Variants in DACT2 observed in about 807,000 individuals in gnomAD.
DACT2 encodes the protein dapper homolog 2.
A neutral mutation model predicts 22.2 loss-of-function variants in DACT2; 20 were observed. That is an observed-to-expected ratio of 0.90 (90% CI 0.63 to 1.31). The LOEUF (loss-of-function observed/expected upper bound fraction) is 1.31, where lower values mean the gene tolerates loss of function less well. DACT2 is among the 50% of genes most tolerant of loss of function. The pLI, the probability that DACT2 is intolerant of heterozygous loss-of-function variation, is 0.00. For synonymous variants in DACT2, 463 were observed against 479.8 expected (o/e 0.96, Z 0.46); for missense variants, 1,048 against 1,061.4 (o/e 0.99, Z 0.18).
intron 3 of DACT2, among the ~76,000 whole-genome samples, chr6:168,309,584 G>A (rs1344439283): frequency 2.0e-5 from 3 of 152,240 alleles, no homozygotes; most frequent in African/African-American, 7.2e-5. Context: ...TGAGGGCTTG[G>A]AGGCTGAAGA....
chr6:168,306,480 T>C (rs1779209286), downstream of DACT2, among the ~76,000 whole-genome samples: 1 of 151,944 alleles, frequency 6.6e-6, no homozygotes, highest in South Asian at 2.1e-4. Context: ...TTTCACTCTG[T>C]AGCCCAAGCT....
At chr6:168,309,313 G>A (rs1273513553) in intron 3 of DACT2, among the ~76,000 whole-genome samples, 2 of 128,838 alleles carry the variant, frequency 1.6e-5, no homozygotes, top group Non-Finnish European at 3.3e-5. Flanking sequence ...GACACTGGGC[G>A]CGGGGCAGAC....
chr6:168,307,255 G>T lies in DACT2; in HGVS notation c.*177C>A. 1 of 1,420,692 alleles carries T rather than the reference G, an allele frequency of 7.0e-7. No individual in the cohort carries two copies. Among genetic ancestry groups the T allele is most frequent in the East Asian group, 2.6e-5 (1 of 38,834 alleles). The allele number at this position is 1,420,692 out of a possible 1,614,324, so 88.0% of individuals were successfully genotyped here. ...TCCGCATGGAAGTCTTTGCTGGGGC[G>T]GGGACTCACGGCCATACTCCACAGG... On this transcript the variant is annotated 3_prime_UTR_variant, in exon 4 of 4. Transcript: ENST00000366795. The surrounding 1 kb of genome is among the most constrained non-coding windows in gnomAD (Gnocchi z 5.3).
At position 168,308,069 on chromosome 6, in the gene DACT2, T is replaced by C. The variant is rs2114904980; in HGVS notation, c.1688A>G (p.Glu563Gly). 1.3e-6 allele frequency: 2 copies of C among 1,546,828 alleles called. No individual in the cohort carries two copies. The highest frequency in any genetic ancestry group is 4.9e-5 in the East Asian group (2 of 40,760). ...GACAGGCATGGGGTAGAGGGTGGAC[T>C]CAGAACAGGAGCGCCCGGGTGCCTC... ...AWEAPGRSCS[E>G]STLYPMPVLV... Residue 563 changes from glutamate to glycine, a missense_variant, in exon 4 of 4, where the codon GAG becomes GGG. Glu to Gly is a moderately conservative substitution (Grantham distance 98). Coordinates refer to ENST00000366795, the MANE Select transcript of DACT2 (RefSeq NM_214462.5).
chr6:168,293,661 G>A (rs1301659627), exon 6 of DACT2: 7 of 551,840 alleles, frequency 1.3e-5, no homozygotes, highest in Admixed American at 3.1e-5. Flanking sequence ...TCTCTCTTAC[G>A]TCCATTACTC....
At position 168,310,376 on chromosome 6, in the gene DACT2, G is replaced by A. The variant is rs1281952268; in HGVS notation, c.450C>T (p.His150=). ...STSCASVCSD[H]ISPSLGSLLP... ...ACAAACTGCCCAGCGAGGGAGAGAT[G>A]TGGTCACTGCAGACGGAGGCACAGG... The change falls in exon 3 of 4, where the codon CAC becomes CAT. Residue 150 remains histidine, a synonymous_variant. Coordinates refer to ENST00000366795, the MANE Select transcript of DACT2 (RefSeq NM_214462.5). 20 of 1,551,682 alleles carry A rather than the reference G, an allele frequency of 1.3e-5. No individual in the cohort carries two copies. The highest frequency in any genetic ancestry group is 2.7e-5 in the African/African-American group (2 of 73,194).
chr6:168,305,011 A>G (rs1011726162), downstream of DACT2, among the ~76,000 whole-genome samples: 3 of 152,214 alleles, frequency 2.0e-5, no homozygotes, highest in East Asian at 1.9e-4. Flanking sequence ...ACTGAAATGC[A>G]TGTTTGGGCC....
rs575694075 is a variant in DACT2 at position 168,295,125 on chromosome 6, G to A, written c.659-421C>T. Among the ~76,000 whole-genome samples the A allele has an allele frequency of 5.5e-4, 83 of 152,250 alleles. No homozygotes were observed. The South Asian group carries it at 7.9e-3, about 14-fold the overall frequency. The stretch of plus-strand genomic sequence containing the variant: ...GCCACTCCAACTGTTCTCCTGAGCC[G>A]CGTGGGCAGCTGAGTGACAAGGCCC... On this transcript the variant is annotated intron_variant, in intron 3 of 5. Coordinates refer to the DACT2 transcript ENST00000366796.
chr6:168,315,664 A>T (rs1235264916), intron 1 of DACT2, among the ~76,000 whole-genome samples: 1 of 152,218 alleles, frequency 6.6e-6, no homozygotes, highest in Admixed American at 6.5e-5. Context: ...ACAAGCCTTG[A>T]AGTGATGAGT....
Position 168,308,679 on chromosome 6 carries a change from C to A in DACT2, c.1078G>T (p.Ala360Ser). 1 of 1,545,944 alleles carries A rather than the reference C, an allele frequency of 6.5e-7. No homozygotes were observed. The change falls in exon 4 of 4, where the codon GCA (alanine) becomes TCA (serine). Residue 360 changes from alanine (A) to serine (S), a missense_variant. By Grantham distance (99) the Ala-to-Ser change is moderately conservative. Coordinates refer to ENST00000366795, the MANE Select transcript of DACT2 (RefSeq NM_214462.5). Reference protein sequence around the residue: ...SEGEQGPLRHAASPSPQRQGG... With the variant: ...SEGEQGPLRHSASPSPQRQGG... ...TGCCTCTGTGGAGATGGGGACGCTGCATGCCTTAGAGGTCCCTGTTCTCCC... is the reference window on the plus strand; with the variant it reads ...TGCCTCTGTGGAGATGGGGACGCTGAATGCCTTAGAGGTCCCTGTTCTCCC...
rs200833162 is a variant in DACT2, at chr6:168,294,561, A to ATG, written c.730+70_730+71dup. The stretch of plus-strand genomic sequence containing the variant: ...TATAATAAAATATGTGTGTGTGTGT[A>ATG]TGTGTGTGTGTGTGTGTATATATAT... On this transcript the variant is annotated intron_variant, in intron 4 of 5. Transcript: ENST00000366796. 1.4e-3 allele frequency: 623 copies of ATG among 430,786 alleles called. 8 individuals carry two copies. The highest frequency in any genetic ancestry group is 9.4e-3 in the African/African-American group (273 of 28,936). The allele number at this position is 430,786 out of a possible 1,614,324, so 26.7% of individuals were successfully genotyped here. A position where few individuals can be genotyped will look rare whatever the true frequency, so the allele number is the denominator to read the frequency against.
chr6:168,314,939 T>G (rs1779508403), intron 1 of DACT2, among the ~76,000 whole-genome samples: 1 of 152,188 alleles, frequency 6.6e-6, no homozygotes, highest in African/African-American at 2.4e-5. Flanking sequence ...CTTGCAGGTT[T>G]CTGGGGCTGC....
intron 3 of DACT2, among the ~76,000 whole-genome samples, chr6:168,296,000 A>G (rs1253937779): frequency 1.3e-5 from 2 of 151,668 alleles, no homozygotes; most frequent in Admixed American, 6.6e-5. Flanking sequence ...GGAGATGGTC[A>G]TGGAGGTCAT....
chr6:168,295,823 C>A (rs1157567242), intron 3 of DACT2, among the ~76,000 whole-genome samples: 4 of 152,236 alleles, frequency 2.6e-5, no homozygotes, highest in Admixed American at 6.5e-5. Flanking sequence ...CGTTATCAAG[C>A]CTTATTCAAA....
intron 2 of DACT2, 66 bp from the exon 3 acceptor site, chr6:168,310,512 C>A (rs1343870930): frequency 3.6e-5 from 54 of 1,514,398 alleles, no homozygotes; most frequent in Non-Finnish European, 4.6e-5. Context: ...CCCTCTCCTC[C>A]TGAGCTTGTC....
At chr6:168,293,965 G>T (rs962698990) in intron 5 of DACT2, 15 of 703,254 alleles carry the variant, frequency 2.1e-5, no homozygotes, top group African/African-American at 1.9e-4. Context: ...CCCCAGGGAT[G>T]ACAGAGATTA....
chr6:168,319,288 A>G (rs925364446), intron 1 of DACT2, 100 bp downstream of exon 1: 15 of 1,064,036 alleles, frequency 1.4e-5, no homozygotes, highest in Non-Finnish European at 1.8e-5. Context: ...CCCTCCATCC[A>G]TCAGACACCC....
intron 1 of DACT2, among the ~76,000 whole-genome samples, chr6:168,316,334 G>T (rs921016529): frequency 5.4e-4 from 66 of 121,944 alleles, no homozygotes; most frequent in Non-Finnish European, 8.7e-4. Flanking sequence ...ATTGTGTCTG[G>T]TGCAAACACA....
chr6:168,315,006 G>A (rs1027199208), intron 1 of DACT2, among the ~76,000 whole-genome samples: 5 of 152,184 alleles, frequency 3.3e-5, no homozygotes, highest in African/African-American at 1.2e-4. Flanking sequence ...TGGTTCCCGT[G>A]TGCTCACAAA....
Sources: allele counts gnomAD v4.1 joint callset (sites outside exome capture counted in the v4.1 genomes callset), GRCh38; gene constraint gnomAD v4.1.1; non-coding constraint Gnocchi (gnomAD v3.1); transcripts MANE v1.5; gene names NCBI Gene and HGNC (gene_info 2026-07-23, HGNC 2026-07-21).